KIF18A: variants seen among roughly 807,000 people sequenced by gnomAD.
KIF18A encodes the protein kinesin-like protein KIF18A.
In KIF18A, 67 loss-of-function variants were observed where a neutral mutation model predicts 103.3. The ratio of observed to expected loss-of-function variants is 0.65; its 90% CI spans 0.53 to 0.79. KIF18A has a LOEUF of 0.79. Among genes scored for constraint, KIF18A ranks in the 30% least tolerant of loss-of-function variants. KIF18A has a pLI of 0.00. For synonymous variants in KIF18A, 367 were observed against 355.5 expected, an observed-to-expected ratio of 1.03 and a Z score of -0.36; for missense variants, 1,032 against 1,062.5, an observed-to-expected ratio of 0.97 and a Z score of 0.40.
chr11:28,058,939 C>G lies in KIF18A; in HGVS notation c.1935G>C (p.Gln645His). The G allele has an allele frequency of 6.2e-7, 1 of 1,613,580 alleles. No homozygotes were observed. Among genetic ancestry groups the G allele is most frequent in the Non-Finnish European group, 8.5e-7 (1 of 1,179,588 alleles). The change falls in exon 13 of 17, where the codon CAG becomes CAC. Residue 645 changes from glutamine (Q) to histidine (H), a missense_variant. By Grantham distance (24) the Gln-to-His change is conservative. Transcript: ENST00000263181. Reference protein sequence around the residue: ...LMTFPQLGPVQPIPCCSSSGG... With the variant: ...LMTFPQLGPVHPIPCCSSSGG... ...AGTTATACTTACAACAAGGAATAGG[C>G]TGAACTGGTCCAAGTTGTGGAAAGG...
At chr11:28,059,398 G>A (rs1850829618) in intron 12 of KIF18A, among the ~76,000 whole-genome samples, 1 of 152,022 alleles carries the variant, frequency 6.6e-6, no homozygotes, top group African/African-American at 2.4e-5. Flanking sequence ...ACTTATAATA[G>A]GAGATTGCTT....
chr11:28,096,862 G>A (rs557005191), intron 2 of KIF18A, among the ~76,000 whole-genome samples: 2 of 114,774 alleles, frequency 1.7e-5, no homozygotes, highest in South Asian at 5.5e-4. Flanking sequence ...TGCATCTTGG[G>A]TATCTCTCTC....
At position 28,088,653 on chromosome 11, in the gene KIF18A, G is replaced by T. The variant is rs1327951186; in HGVS notation, c.768C>A (p.Leu256=). 1.2e-6 allele frequency: 2 copies of T among 1,613,986 alleles called. No individual in the cohort carries two copies. Among genetic ancestry groups the T allele is most frequent in the South Asian group, 2.2e-5 (2 of 91,076 alleles). The change falls in exon 6 of 17, where the codon CTC becomes CTA. Residue 256 remains leucine, a synonymous_variant. Coordinates refer to ENST00000263181, the MANE Select transcript of KIF18A (RefSeq NM_031217.4). ...CTCGCTCAGATCCTGCCAGGTCAAT[G>T]AGTGACATCTTGGCAATACGGACAT... ...NQNVRIAKMS[L]IDLAGSERAS...
rs565049699 is a variant in KIF18A at position 28,104,618 on chromosome 11, C to A, written c.-47+3446G>T. ...TCCCTTACTAGGTTTATTTTTCTTT[C>A]TTGAGTTTAGCACTAATTGGAAAGT... is the stretch of plus-strand genomic sequence containing the variant. On this transcript the variant is annotated intron_variant, in intron 1 of 16. Coordinates refer to ENST00000263181, the MANE Select transcript of KIF18A (RefSeq NM_031217.4). Among the ~76,000 whole-genome samples the A allele has an allele frequency of 6.6e-5, 8 of 120,698 alleles. No individual in the cohort carries two copies. In the South Asian group the frequency reaches 1.5e-3, roughly 23 times the overall value. The allele number at this position is 120,698 out of a possible 152,430, so 79.2% of individuals were successfully genotyped here. A position where few individuals can be genotyped will look rare whatever the true frequency, so the allele number is the denominator to read the frequency against.
intron 6 of KIF18A, among the ~76,000 whole-genome samples, 190 bp from the exon 7 acceptor site, chr11:28,084,998 G>C (rs898500562): frequency 5.3e-5 from 8 of 152,148 alleles, no homozygotes; most frequent in African/African-American, 1.7e-4. Flanking sequence ...TAGATATAGA[G>C]ATGATCATGG....
chr11:28,087,723 A>G (rs1371340206), intron 6 of KIF18A, among the ~76,000 whole-genome samples: 2 of 152,066 alleles, frequency 1.3e-5, no homozygotes, highest in Non-Finnish European at 2.9e-5. Context: ...AAGTGTTCCT[A>G]TTTCTCCACA....
rs1850489136 is a variant in KIF18A at position 28,036,298 on chromosome 11, A to G, written c.2315T>C (p.Ile772Thr). 6.2e-7 allele frequency: 1 copy of G among 1,610,524 alleles called. No individual in the cohort carries two copies. The change falls in exon 14 of 17, where the codon ATA (isoleucine) becomes ACA (threonine). Residue 772 changes from isoleucine to threonine, a missense_variant. Physicochemically the swap from Ile to Thr is moderately conservative, Grantham distance 89. Transcript: ENST00000263181. ...GQEDLDSTFT[I>T]CEDIKSSKCK... is the part of the protein sequence containing the mutation. ...CTTCGAGCTCTTGATGTCTTCACAT[A>G]TAGTAAATGTAGAGTCCAAGTCCTC...
chr11:28,040,607 C>A (rs1590669470), intron 13 of KIF18A, among the ~76,000 whole-genome samples: 1 of 151,576 alleles, frequency 6.6e-6, no homozygotes, highest in South Asian at 2.1e-4. Flanking sequence ...AACGTGGGTG[C>A]TACACAGAAG....
At chr11:28,046,462 C>A (rs1466115602) in intron 13 of KIF18A, among the ~76,000 whole-genome samples, 2 of 142,050 alleles carry the variant, frequency 1.4e-5, no homozygotes, top group Admixed American at 7.2e-5. Context: ...AACCAAACAC[C>A]GCATATTCTC....
At chr11:28,084,484 C>G in intron 7 of KIF18A, 148 bp downstream of exon 7, 1 of 409,876 alleles carries the variant, frequency 2.4e-6, no homozygotes, top group Non-Finnish European at 4.4e-6. Flanking sequence ...AATTAATGTT[C>G]GACTAAGCAG....
intron 13 of KIF18A, among the ~76,000 whole-genome samples, chr11:28,046,230 T>A (rs915964213): frequency 6.6e-6 from 1 of 151,692 alleles, no homozygotes; most frequent in African/African-American, 2.4e-5. Flanking sequence ...CATGCTGCTA[T>A]AAAGACACAT....
At chr11:28,051,052 G>T (rs924584815) in intron 13 of KIF18A, among the ~76,000 whole-genome samples, 1 of 151,572 alleles carries the variant, frequency 6.6e-6, no homozygotes, top group Non-Finnish European at 1.5e-5. Flanking sequence ...AAACACTTAC[G>T]AAGAAAACTC....
At position 28,070,788 on chromosome 11, in the gene KIF18A, T is replaced by C. The variant is rs560055061; in HGVS notation, c.1426-1365A>G. ...TGGGATGGTGGCTCATGCCAGTAATTCTAGCACTTTGGGAGGCTGAGGCAG... is the reference window on the plus strand; with the variant it reads ...TGGGATGGTGGCTCATGCCAGTAATCCTAGCACTTTGGGAGGCTGAGGCAG... On this transcript the variant is annotated intron_variant, in intron 10 of 16. Coordinates refer to ENST00000263181, the MANE Select transcript of KIF18A (RefSeq NM_031217.4). Among the ~76,000 whole-genome samples, 6 of 152,310 alleles carry C rather than the reference T, an allele frequency of 3.9e-5. No individual in the cohort carries two copies. The South Asian group carries it at 1.2e-3, about 32-fold the overall frequency.
chr11:28,103,400 A>C (rs1204981667), intron 1 of KIF18A, among the ~76,000 whole-genome samples: 1 of 152,026 alleles, frequency 6.6e-6, no homozygotes, highest in Non-Finnish European at 1.5e-5. Context: ...CCTGAAGAAG[A>C]ATATTTGTCT....
chr11:28,082,550 T>C (rs886106045), intron 9 of KIF18A, among the ~76,000 whole-genome samples: 2 of 152,168 alleles, frequency 1.3e-5, no homozygotes, highest in Non-Finnish European at 2.9e-5. Flanking sequence ...TATAATGCTA[T>C]TGCACACTTA....
At position 28,059,092 on chromosome 11, in the gene KIF18A, A is replaced by G. The variant is rs776434787; in HGVS notation, c.1782T>C (p.Asn594=). The G allele has an allele frequency of 3.1e-6, 5 of 1,614,088 alleles. No homozygotes were observed. Among genetic ancestry groups the G allele is most frequent in the Admixed American group, 3.3e-5 (2 of 60,012 alleles). Reference sequence around the variant, plus strand: ...CTTTGAAGTCAGATTCAAAAGCAGCATTTGACAGGCCGGCTTCTTTTAATG... The same window carrying G: ...CTTTGAAGTCAGATTCAAAAGCAGCGTTTGACAGGCCGGCTTCTTTTAATG... ...YCTLKEAGLS[N]AAFESDFKEI... Residue 594 remains asparagine, a synonymous_variant, in exon 13 of 17, where the codon AAT becomes AAC. Transcript: ENST00000263181.
At chr11:28,091,313 T>TC (rs1851301473) in intron 4 of KIF18A, 96 bp downstream of exon 4, 1 of 627,366 alleles carries the variant, frequency 1.6e-6, no homozygotes, top group Non-Finnish European at 2.8e-6. Flanking sequence ...TAGTTTTTTT[T>TC]CTCAAACAGG....
intron 9 of KIF18A, among the ~76,000 whole-genome samples, chr11:28,077,723 A>G (rs1851112918): frequency 6.6e-6 from 1 of 152,196 alleles, no homozygotes; most frequent in Admixed American, 6.5e-5. Context: ...AAAACAGACC[A>G]TACGGTTAGG....
At chr11:28,091,174 A>G (rs1447804962) in intron 4 of KIF18A, among the ~76,000 whole-genome samples, 1 of 152,042 alleles carries the variant, frequency 6.6e-6, no homozygotes, top group Non-Finnish European at 1.5e-5. Context: ...ACATACATAC[A>G]TACATACATA....
Sources: allele counts gnomAD v4.1 joint callset (sites outside exome capture counted in the v4.1 genomes callset), GRCh38; gene constraint gnomAD v4.1.1; transcripts MANE v1.5; gene names NCBI Gene and HGNC (gene_info 2026-07-23, HGNC 2026-07-21).